Variants in HTRA4 observed in about 807,000 individuals in gnomAD.
HTRA4 encodes serine protease HTRA4.
In HTRA4, 46 loss-of-function variants were observed where a neutral mutation model predicts 49.1. That is an observed-to-expected ratio of 0.94 (90% confidence interval 0.74 to 1.20). HTRA4 has a LOEUF of 1.20. Ranked by LOEUF, HTRA4 falls within the 50% of genes most tolerant of loss-of-function variation. The probability of loss-of-function intolerance (pLI) is 0.00; values close to 1 mark genes in which losing one functional copy is unlikely to be tolerated. For missense variants in HTRA4, 602 were observed against 636.9 expected (o/e 0.95, Z 0.59); for synonymous variants, 261 against 264.0 (o/e 0.99, Z 0.11).
chr8:38,982,329 T>TG (rs1231830599), intron 6 of HTRA4, among the ~76,000 whole-genome samples, 169 bp from the exon 7 acceptor site: 1 of 151,850 alleles, frequency 6.6e-6, no homozygotes, highest in Non-Finnish European at 1.5e-5. Context: ...GGGAGGTGGG[T>TG]GGGAGGAGTG....
rs551981892 is a variant in HTRA4 at position 38,976,406 on chromosome 8, A to AAAAAG, written c.567-114_567-110dup. 2.1e-3 allele frequency: 1,883 copies of AAAAAG among 914,060 alleles called. 4 individuals are homozygous for AAAAAG. The highest frequency in any genetic ancestry group is 2.8e-3 in the Non-Finnish European group (1,696 of 603,386). 56.6% of individuals were successfully genotyped at this position (914,060 alleles called of 1,614,324 possible). A position where few individuals can be genotyped will look rare whatever the true frequency, so the allele number is the denominator to read the frequency against. On this transcript the variant is annotated intron_variant, in intron 2 of 8. Transcript: ENST00000302495. ...GAGCGAGATTCTGTCTCAAAAAAGA[A>AAAAAG]AAAAGAAAAGAAAAGAAAACTATGA... is the stretch of plus-strand genomic sequence containing the variant.
chr8:38,983,095 T>C (rs1835444204), intron 8 of HTRA4, 47 bp downstream of exon 8: 4 of 1,286,726 alleles, frequency 3.1e-6, no homozygotes, highest in Non-Finnish European at 4.5e-6. Context: ...TTTTTCTAAA[T>C]GTGTGCCATG....
In HTRA4 at chr8:38,982,090, C is replaced by T. The variant is rs140046906; in HGVS notation, c.1114+323C>T. Reference sequence around the variant, plus strand: ...CTTGAACTCCTGACCTCCAGTGATCCGCTTGCCTCGGCCTCCCAAAGTGCT... The same window carrying T: ...CTTGAACTCCTGACCTCCAGTGATCTGCTTGCCTCGGCCTCCCAAAGTGCT... On this transcript the variant is annotated intron_variant, in intron 6 of 8. Transcript: ENST00000302495. 5.7e-3 allele frequency among the ~76,000 whole-genome samples: 861 copies of T among 152,210 alleles called. 7 individuals carry two copies. Among genetic ancestry groups the T allele is most frequent in the African/African-American group, 0.02 (822 of 41,496 alleles).
intron 4 of HTRA4, among the ~76,000 whole-genome samples, chr8:38,978,725 G>A (rs868858043): frequency 1.3e-5 from 2 of 151,732 alleles, no homozygotes; most frequent in Admixed American, 6.6e-5. Flanking sequence ...GGCCAGGCAC[G>A]GTGGCTCATG....
Position 38,974,655 on chromosome 8 carries a change from C to A in HTRA4, c.392C>A (p.Ala131Asp). 2 of 1,402,750 alleles carry A rather than the reference C, an allele frequency of 1.4e-6. No homozygotes were observed. The highest frequency in any genetic ancestry group is 9.2e-7 in the Non-Finnish European group (1 of 1,088,008). The allele number at this position is 1,402,750 out of a possible 1,614,324, so 86.9% of individuals were successfully genotyped here. The part of the protein sequence containing the change: ...RTYPSMCALR[A>D]ENRAARRLGK... Reference sequence around the variant, plus strand: ...TACCCCAGCATGTGCGCGCTCCGGGCCGAAAACCGCGCCGCGCGCCGCCTG... The same window carrying A: ...TACCCCAGCATGTGCGCGCTCCGGGACGAAAACCGCGCCGCGCGCCGCCTG... The change falls in exon 1 of 9, where the codon GCC (alanine) becomes GAC (aspartate). Residue 131 changes from alanine (A) to aspartate (D), a missense_variant. Coordinates refer to ENST00000302495, the MANE Select transcript of HTRA4 (RefSeq NM_153692.4).
Position 38,974,403 on chromosome 8 carries a change from C to T in HTRA4, c.140C>T (p.Thr47Met), listed in dbSNP as rs374181225. The T allele has an allele frequency of 6.4e-7, 1 of 1,554,176 alleles. No homozygotes were observed. Among genetic ancestry groups the T allele is most frequent in the Non-Finnish European group, 8.7e-7 (1 of 1,152,224 alleles). ...QPSCPAVCQPTRCPALPTCAL... is the reference protein window; with the variant it reads ...QPSCPAVCQPMRCPALPTCAL... The stretch of plus-strand genomic sequence containing the variant: ...TCCTGCCCCGCGGTCTGCCAGCCCA[C>T]GCGCTGCCCCGCGCTGCCCACCTGC... The change falls in exon 1 of 9, where the codon ACG becomes ATG. Residue 47 changes from threonine (T) to methionine (M), a missense_variant. Transcript: ENST00000302495.
chr8:38,979,206 T>A lies in HTRA4; in HGVS notation c.967-9T>A, dbSNP rs751949115. ...CTTCACTGATGTCTTTTTCAAATTC[T>A]GCTTTTAGTATGGGAATTCTGGTGG... On this transcript the variant is annotated splice_polypyrimidine_tract_variant and intron_variant, in intron 4 of 8. Coordinates refer to ENST00000302495, the MANE Select transcript of HTRA4 (RefSeq NM_153692.4). The A allele has an allele frequency of 1.4e-5, 22 of 1,611,358 alleles. No homozygotes were observed. The South Asian group carries it at 1.9e-4, about 14-fold the overall frequency.
intron 3 of HTRA4, among the ~76,000 whole-genome samples, chr8:38,977,675 C>A (rs1039647006): frequency 1.3e-5 from 2 of 152,188 alleles, no homozygotes; most frequent in Non-Finnish European, 2.9e-5. Context: ...AGTGACTTCA[C>A]TGGCTGTTTA....
At position 38,974,355 on chromosome 8, in the gene HTRA4, C is replaced by G. The variant is rs773432721; in HGVS notation, c.92C>G (p.Ala31Gly). The change falls in exon 1 of 9, where the codon GCT (alanine) becomes GGT (glycine). Residue 31 changes from alanine to glycine, a missense_variant. Physicochemically the swap from Ala to Gly is moderately conservative, Grantham distance 60 (BLOSUM62 0). Transcript: ENST00000302495. ...LLLVPVLWAG[A>G]EKLHTQPSCP... ...CTGGTGCCCGTCCTCTGGGCCGGGG[C>G]TGAAAAGCTACATACCCAGCCCTCC... is the stretch of plus-strand genomic sequence containing the variant. 2.5e-6 allele frequency: 4 copies of G among 1,608,928 alleles called. No homozygotes were observed. The highest frequency in any genetic ancestry group is 3.4e-6 in the Non-Finnish European group (4 of 1,178,344).
At chr8:38,982,476 A>G in intron 6 of HTRA4, 22 bp from the exon 7 acceptor site, 2 of 1,608,394 alleles carry the variant, frequency 1.2e-6, no homozygotes, top group Non-Finnish European at 1.7e-6. Context: ...TTGTTGTAAC[A>G]CATCATAACT....
At chr8:38,977,536 A>C (rs144511262) in intron 3 of HTRA4, among the ~76,000 whole-genome samples, 110 of 152,294 alleles carry the variant, frequency 7.2e-4, no homozygotes, top group African/African-American at 2.5e-3. Context: ...GGTGATTTGC[A>C]TGCACATTAC....
chr8:38,974,386 C>T lies in HTRA4; in HGVS notation c.123C>T (p.Pro41=), dbSNP rs763715419. Residue 41 remains proline (P), a synonymous_variant, in exon 1 of 9, where the codon CCC becomes CCT. Transcript: ENST00000302495. Reference sequence around the variant, plus strand: ...AGCTACATACCCAGCCCTCCTGCCCCGCGGTCTGCCAGCCCACGCGCTGCC... The same window carrying T: ...AGCTACATACCCAGCCCTCCTGCCCTGCGGTCTGCCAGCCCACGCGCTGCC... ...AEKLHTQPSC[P]AVCQPTRCPA... is the part of the protein sequence containing the mutation. The T allele has an allele frequency of 1.9e-6, 3 of 1,574,866 alleles. No homozygotes were observed. The highest frequency in any genetic ancestry group is 2.7e-5 in the African/African-American group (2 of 74,298).
Position 38,974,596 on chromosome 8 carries a change from G to T in HTRA4, c.333G>T (p.Leu111=). The T allele has an allele frequency of 7.0e-7, 1 of 1,427,740 alleles. No individual in the cohort carries two copies. 88.4% of individuals were successfully genotyped at this position (1,427,740 alleles called of 1,614,324 possible). ...GFPSTCGCPT[L]GGAVCGSDRR... Reference sequence around the variant, plus strand: ...CCAGCACCTGCGGTTGCCCGACGCTGGGAGGGGCCGTGTGCGGCAGCGACA... The same window carrying T: ...CCAGCACCTGCGGTTGCCCGACGCTTGGAGGGGCCGTGTGCGGCAGCGACA... Residue 111 remains leucine (L), a synonymous_variant, in exon 1 of 9, where the codon CTG becomes CTT. Transcript: ENST00000302495.
chr8:38,975,204 G>T, intron 2 of HTRA4, 74 bp downstream of exon 2: 1 of 1,427,664 alleles, frequency 7.0e-7, no homozygotes, highest in Non-Finnish European at 9.8e-7. Context: ...CAGACCCTTC[G>T]CAAGCGTCAT....
intron 5 of HTRA4, among the ~76,000 whole-genome samples, chr8:38,980,958 T>A (rs1236708352): frequency 6.8e-6 from 1 of 147,370 alleles, no homozygotes; most frequent in African/African-American, 2.5e-5. Flanking sequence ...TACTTTTAAA[T>A]AATAAAAAGG....
Position 38,988,132 on chromosome 8 carries a change from A to AG in HTRA4, c.*34_*35insG. On this transcript the variant is annotated 3_prime_UTR_variant, in exon 9 of 9. Coordinates refer to ENST00000302495, the MANE Select transcript of HTRA4 (RefSeq NM_153692.4). ...TTTTAAAGTGGGATTATCTAAAAAAAAAAAAACCAGTTATATCACGTGGTT... is the reference window on the plus strand; with the variant it reads ...TTTTAAAGTGGGATTATCTAAAAAAAGAAAAAACCAGTTATATCACGTGGTT... The AG allele has an allele frequency of 6.6e-7, 1 of 1,506,212 alleles. No individual in the cohort carries two copies. Among genetic ancestry groups the AG allele is most frequent in the East Asian group, 2.4e-5 (1 of 41,148 alleles). The allele number at this position is 1,506,212 out of a possible 1,614,324, so 93.3% of individuals were successfully genotyped here. A position where few individuals can be genotyped will look rare whatever the true frequency, so the allele number is the denominator to read the frequency against.
intron 5 of HTRA4, among the ~76,000 whole-genome samples, chr8:38,980,733 G>A (rs1265622158): frequency 1.4e-5 from 2 of 144,346 alleles, no homozygotes; most frequent in African/African-American, 2.5e-5. Flanking sequence ...GTGAGACTCC[G>A]TCTCAAAAAG....
chr8:38,974,923 C>T, intron 1 of HTRA4, 108 bp from the exon 2 acceptor site: 1 of 1,370,590 alleles, frequency 7.3e-7, no homozygotes, highest in Non-Finnish European at 1.0e-6. Flanking sequence ...CGTGGTTTCT[C>T]CCTCCCCATG....
chr8:38,982,316 G>A (rs955903814), intron 6 of HTRA4, among the ~76,000 whole-genome samples, 182 bp from the exon 7 acceptor site: 1 of 152,196 alleles, frequency 6.6e-6, no homozygotes, highest in Admixed American at 6.5e-5. Flanking sequence ...AGGGGCTGGA[G>A]GTGGGAGGTG....
Sources: allele counts gnomAD v4.1 joint callset (sites outside exome capture counted in the v4.1 genomes callset), GRCh38; gene constraint gnomAD v4.1.1; transcripts MANE v1.5; gene names NCBI Gene and HGNC (gene_info 2026-07-23, HGNC 2026-07-21).